B3GALT1: variants seen among roughly 807,000 people sequenced by gnomAD.
B3GALT1 encodes UDP-Gal:betaGlcNAc beta 1,3-galactosyltransferase, polypeptide 1.
In B3GALT1, 10 loss-of-function variants were observed where a neutral mutation model predicts 23.2. The ratio of observed to expected loss-of-function variants is 0.43; its 90% CI spans 0.27 to 0.73. B3GALT1 has a LOEUF of 0.73. B3GALT1 is among the 30% of genes least tolerant of loss of function. The probability of loss-of-function intolerance (pLI) is 0.21; values close to 1 mark genes in which losing one functional copy is unlikely to be tolerated. For missense variants in B3GALT1, 299 were observed against 405.4 expected (o/e 0.74, Z 2.25); for synonymous variants, 156 against 141.5 (o/e 1.10, Z -0.73).
intron 1 of B3GALT1, among the ~76,000 whole-genome samples, chr2:167,478,232 C>G (rs1385328935): frequency 1.3e-5 from 2 of 152,192 alleles, no homozygotes; most frequent in Non-Finnish European, 2.9e-5. Context: ...AACCTTCATT[C>G]ACTGATCTTG....
chr2:167,595,811 A>G (rs1314891224), intron 2 of B3GALT1, among the ~76,000 whole-genome samples: 2 of 152,224 alleles, frequency 1.3e-5, no homozygotes, highest in Non-Finnish European at 2.9e-5. Flanking sequence ...TAAAATATCA[A>G]AGACTCATGT....
intron 2 of B3GALT1, among the ~76,000 whole-genome samples, chr2:167,564,905 C>T (rs1684125465): frequency 6.6e-6 from 1 of 152,172 alleles, no homozygotes; most frequent in Non-Finnish European, 1.5e-5. Flanking sequence ...TAGGAAGAAT[C>T]AATATCATGA....
intron 3 of B3GALT1, among the ~76,000 whole-genome samples, chr2:167,803,004 T>C (rs1195111902): frequency 6.6e-6 from 1 of 152,064 alleles, no homozygotes; most frequent in Non-Finnish European, 1.5e-5. Context: ...AAATGATTGA[T>C]GTGCAGATGG....
intron 3 of B3GALT1, among the ~76,000 whole-genome samples, chr2:167,679,089 GTTTTTTGTTTTTGTTTTTGT>G (rs1378565881): frequency 6.8e-6 from 1 of 147,522 alleles, no homozygotes; most frequent in African/African-American, 2.5e-5. Context: ...CCCCAACATT[GTTTTTTGTTTTTGTTTTTGT>G]TTTTTTGTTT....
chr2:167,488,416 G>C (rs916776182), intron 1 of B3GALT1, among the ~76,000 whole-genome samples: 6 of 152,106 alleles, frequency 3.9e-5, no homozygotes, highest in Non-Finnish European at 7.4e-5. Flanking sequence ...ATTTTTTCTA[G>C]CACACTGCCA....
intron 3 of B3GALT1, among the ~76,000 whole-genome samples, chr2:167,790,687 C>T (rs78235306): frequency 0.023 from 3,492 of 152,280 alleles, 68 homozygotes; most frequent in Non-Finnish European, 0.035. Flanking sequence ...CTCCTTCCAT[C>T]CAAATCTTTT....
chr2:167,774,978 C>T (rs1688137163), intron 3 of B3GALT1, among the ~76,000 whole-genome samples: 1 of 152,150 alleles, frequency 6.6e-6, no homozygotes, highest in Non-Finnish European at 1.5e-5. Context: ...ATGTTTAATG[C>T]TGATGAGATT....
chr2:167,361,510 A>T (rs1440772091), intron 1 of B3GALT1, among the ~76,000 whole-genome samples: 1 of 152,356 alleles, frequency 6.6e-6, no homozygotes, highest in East Asian at 1.9e-4. Flanking sequence ...ACAGATATTA[A>T]AGTCAGGTGT....
chr2:167,650,098 T>C (rs1432270747), intron 3 of B3GALT1, among the ~76,000 whole-genome samples: 1 of 151,920 alleles, frequency 6.6e-6, no homozygotes, highest in Non-Finnish European at 1.5e-5. Flanking sequence ...CTTCTATATC[T>C]ACTCTGTTGA....
At chr2:167,804,475 C>A (rs1052540813) in intron 3 of B3GALT1, among the ~76,000 whole-genome samples, 2 of 152,110 alleles carry the variant, frequency 1.3e-5, no homozygotes, top group African/African-American at 4.8e-5. Flanking sequence ...TATCCCTCCC[C>A]CTTCTGCCCA....
Position 167,714,901 on chromosome 2 carries a change from T to G in B3GALT1, c.-352+67935T>G. On this transcript the variant is annotated intron_variant, in intron 3 of 4. Coordinates refer to ENST00000392690, the MANE Select transcript of B3GALT1 (RefSeq NM_020981.4). ...GGAGTGTCATTTCATTTTCTTGATA[T>G]AGTTCAGTCATTATTTTAAGTTTCT... The G allele has an allele frequency of 4.3e-6, 7 of 1,611,312 alleles. No individual in the cohort carries two copies. The South Asian group carries it at 6.6e-5, about 15-fold the overall frequency.
chr2:167,582,460 T>C lies in B3GALT1; in HGVS notation c.-409-64449T>C, dbSNP rs150604422. On this transcript the variant is annotated intron_variant, in intron 2 of 4. Coordinates refer to ENST00000392690, the MANE Select transcript of B3GALT1 (RefSeq NM_020981.4). Reference sequence around the variant, plus strand: ...AGTGTCTATTCTCTAAAACTGCTCTTATGTCTTTCACTAGCTTCCACACAC... The same window carrying C: ...AGTGTCTATTCTCTAAAACTGCTCTCATGTCTTTCACTAGCTTCCACACAC... Among the ~76,000 whole-genome samples, 47 of 152,348 alleles carry C rather than the reference T, an allele frequency of 3.1e-4. No individual in the cohort carries two copies. In the East Asian group the frequency reaches 8.5e-3, roughly 27 times the overall value.
chr2:167,446,607 A>C (rs533280247), intron 1 of B3GALT1, among the ~76,000 whole-genome samples: 1 of 151,930 alleles, frequency 6.6e-6, no homozygotes, highest in African/African-American at 2.4e-5. Context: ...GCTTCATTTC[A>C]TTCATTTGGT....
chr2:167,516,785 A>C (rs557316989), intron 2 of B3GALT1, among the ~76,000 whole-genome samples: 1 of 151,992 alleles, frequency 6.6e-6, no homozygotes, highest in Non-Finnish European at 1.5e-5. Context: ...CAGTACAAAC[A>C]CATGTAATGC....
intron 2 of B3GALT1, among the ~76,000 whole-genome samples, chr2:167,548,960 C>T (rs1010342927): frequency 2.0e-5 from 3 of 152,078 alleles, no homozygotes; most frequent in Admixed American, 6.6e-5. Context: ...TATTAATCTA[C>T]AATCCATATA....
intron 1 of B3GALT1, among the ~76,000 whole-genome samples, chr2:167,296,189 A>C (rs114784940): frequency 0.033 from 5,099 of 152,278 alleles, 238 homozygotes; most frequent in African/African-American, 0.11. Flanking sequence ...ACTTGTACAA[A>C]ATTTTAATTT....
intron 1 of B3GALT1, among the ~76,000 whole-genome samples, chr2:167,435,545 G>T (rs1325192931): frequency 1.4e-5 from 2 of 145,308 alleles, no homozygotes; most frequent in African/African-American, 2.5e-5. Context: ...AAAAATGTTT[G>T]TTCTTAGATG....
chr2:167,491,658 CA>C (rs1323697133), intron 2 of B3GALT1, among the ~76,000 whole-genome samples: 6 of 151,464 alleles, frequency 4.0e-5, no homozygotes, highest in Non-Finnish European at 8.8e-5. Context: ...ACTAAAAATA[CA>C]AAAAAATTAC....
At chr2:167,548,184 C>T (rs936549529) in intron 2 of B3GALT1, among the ~76,000 whole-genome samples, 2 of 152,140 alleles carry the variant, frequency 1.3e-5, no homozygotes, top group African/African-American at 4.8e-5. Context: ...AGCAGTCTTA[C>T]CAAATGGGTG....
Sources: allele counts gnomAD v4.1 joint callset (sites outside exome capture counted in the v4.1 genomes callset), GRCh38; gene constraint gnomAD v4.1.1; transcripts MANE v1.5; gene names NCBI Gene and HGNC (gene_info 2026-07-23, HGNC 2026-07-21).